Variants in SLCO2B1 observed in about 807,000 individuals in gnomAD.
SLCO2B1 encodes the protein OATP-RP2.
SLCO2B1 carries 41 observed loss-of-function variants against 67.3 expected under a neutral mutation model. The observed-to-expected ratio is 0.61, with a 90% CI of 0.47 to 0.79. The LOEUF (loss-of-function observed/expected upper bound fraction) is 0.79. Ranked by LOEUF, SLCO2B1 falls within the 30% of genes least tolerant of loss-of-function variation. The probability of loss-of-function intolerance (pLI) is 0.00; values close to 1 mark genes in which losing one functional copy is unlikely to be tolerated. For synonymous variants in SLCO2B1, 379 were observed against 381.4 expected, an observed-to-expected ratio of 0.99 and a Z score of 0.07; for missense variants, 837 against 920.1, an observed-to-expected ratio of 0.91 and a Z score of 1.17.
chr11:75,154,697 G>A (rs887896687), intron 1 of SLCO2B1, among the ~76,000 whole-genome samples: 1 of 152,200 alleles, frequency 6.6e-6, no homozygotes, highest in African/African-American at 2.4e-5. Context: ...TTCCCAGCCT[G>A]TGCCTGGTGA....
chr11:75,188,169 G>T lies in SLCO2B1; in HGVS notation c.1006G>T (p.Glu336Ter), dbSNP rs773663668. The T allele has an allele frequency of 1.2e-6, 2 of 1,613,916 alleles. No individual in the cohort carries two copies. Among genetic ancestry groups the T allele is most frequent in the Non-Finnish European group, 1.7e-6 (2 of 1,179,962 alleles). Residue 336 changes from glutamate (E) to a stop codon, truncating the protein, a stop_gained, in exon 8 of 14, where the codon GAG (glutamate) becomes TAG (stop). Coordinates refer to ENST00000289575, the MANE Select transcript of SLCO2B1 (RefSeq NM_007256.5). LOFTEE classifies it high-confidence loss of function. Reference sequence around the variant, plus strand: ...CTCTCCCTCTAAGCAGAGCCCTGGGGAGTCCACGAAGAAGCAGGATGGCCT... The same window carrying T: ...CTCTCCCTCTAAGCAGAGCCCTGGGTAGTCCACGAAGAAGCAGGATGGCCT... ...KDSPSKQSPG[E>*]STKKQDGLVQ... is the part of the protein sequence containing the mutation.
At chr11:75,166,019 C>T (rs989084892) in intron 4 of SLCO2B1, 70 bp downstream of exon 4, 33 of 1,513,524 alleles carry the variant, frequency 2.2e-5, no homozygotes, top group South Asian at 4.9e-5. Flanking sequence ...GGGCCCACCC[C>T]ACAGGCATTC....
chr11:75,180,632 C>T (rs1169779491), intron 7 of SLCO2B1, among the ~76,000 whole-genome samples: 4 of 152,184 alleles, frequency 2.6e-5, no homozygotes, highest in Non-Finnish European at 5.9e-5. Context: ...ATCCTACTTG[C>T]ACTATAGTCT....
intron 3 of SLCO2B1, 148 bp downstream of exon 3, chr11:75,164,248 C>T (rs1415859194): frequency 3.4e-6 from 3 of 880,276 alleles, no homozygotes; most frequent in Non-Finnish European, 5.1e-6. Flanking sequence ...CCTGAAACCT[C>T]AGAGCGTTTG....
At chr11:75,199,065 T>C (rs1358324986) in intron 10 of SLCO2B1, among the ~76,000 whole-genome samples, 6 of 152,262 alleles carry the variant, frequency 3.9e-5, no homozygotes, top group Middle Eastern at 6.8e-3. Flanking sequence ...GCAGGATGCC[T>C]CTCTCCCAGG....
intron 7 of SLCO2B1, among the ~76,000 whole-genome samples, chr11:75,184,579 T>C (rs531504765): frequency 6.6e-6 from 1 of 152,272 alleles, no homozygotes; most frequent in South Asian, 2.1e-4. Flanking sequence ...GTCACTATGG[T>C]GATGCCCACT....
chr11:75,183,998 C>T (rs538120685), intron 7 of SLCO2B1, among the ~76,000 whole-genome samples: 24 of 152,304 alleles, frequency 1.6e-4, no homozygotes, highest in African/African-American at 5.8e-4. Context: ...TAGCTACCAG[C>T]CCATATACCA....
At chr11:75,161,449 A>G (rs1220710773) in intron 1 of SLCO2B1, among the ~76,000 whole-genome samples, 1 of 152,358 alleles carries the variant, frequency 6.6e-6, no homozygotes, top group Admixed American at 6.5e-5. Flanking sequence ...TATGAATTAC[A>G]TCTCAATTTT....
chr11:75,177,152 G>A (rs1464427540), intron 7 of SLCO2B1, among the ~76,000 whole-genome samples: 2 of 151,702 alleles, frequency 1.3e-5, no homozygotes, highest in African/African-American at 4.9e-5. Flanking sequence ...TCACCGAGCA[G>A]GGCTAAGGGC....
chr11:75,155,078 G>A (rs1034775106), intron 1 of SLCO2B1, among the ~76,000 whole-genome samples: 2 of 152,238 alleles, frequency 1.3e-5, no homozygotes, highest in African/African-American at 4.8e-5. Context: ...TCAGCTCAGG[G>A]TCCCTGACTG....
intron 7 of SLCO2B1, among the ~76,000 whole-genome samples, chr11:75,173,810 GTTTA>G (rs535980766): frequency 4.6e-4 from 70 of 152,228 alleles, no homozygotes; most frequent in Middle Eastern, 6.8e-3. Context: ...AATTTTTAAA[GTTTA>G]TTTATTTATT....
intron 2 of SLCO2B1, 137 bp from the exon 3 acceptor site, chr11:75,163,826 G>T: frequency 1.1e-6 from 1 of 936,078 alleles, no homozygotes; most frequent in Non-Finnish European, 1.6e-6. Context: ...CTCTTCTGTT[G>T]GTCACTCTCC....
At position 75,193,562 on chromosome 11, in the gene SLCO2B1, A is replaced by G; in HGVS notation, c.1420A>G (p.Thr474Ala). ...GCSSHQIAGI[T>A]HQTSAHPGLE... ...CTCCAGCCACCAGATTGCGGGCATC[A>G]CACACCAGACCAGGTGAGTGTGTGC... The change falls in exon 9 of 14, where the codon ACA becomes GCA. Residue 474 changes from threonine to alanine, a missense_variant. Coordinates refer to ENST00000289575, the MANE Select transcript of SLCO2B1 (RefSeq NM_007256.5). The surrounding 1 kb of genome is among the most constrained non-coding windows in gnomAD (Gnocchi z 4.2). 6.4e-7 allele frequency: 1 copy of G among 1,558,248 alleles called. No individual in the cohort carries two copies. The highest frequency in any genetic ancestry group is 8.7e-7 in the Non-Finnish European group (1 of 1,151,444).
chr11:75,172,236 C>A, intron 6 of SLCO2B1, 143 bp from the exon 7 acceptor site: 1 of 696,288 alleles, frequency 1.4e-6, no homozygotes, highest in Non-Finnish European at 2.4e-6. Context: ...ACACAGGACA[C>A]ACCTGGCAGA....
At chr11:75,168,667 C>CT (rs1949922254) in intron 4 of SLCO2B1, among the ~76,000 whole-genome samples, 1 of 152,190 alleles carries the variant, frequency 6.6e-6, no homozygotes, top group African/African-American at 2.4e-5. Flanking sequence ...CAGCCCTGGC[C>CT]TTGCCCTCAT....
intron 1 of SLCO2B1, chr11:75,151,834 T>C: frequency 5.6e-6 from 1 of 179,754 alleles, no homozygotes; most frequent in Non-Finnish European, 1.2e-5. Flanking sequence ...TCAACAGGTA[T>C]CAGCGAGAGA....
rs1167522880 is a variant in SLCO2B1 at position 75,188,081 on chromosome 11, C to CT, written c.973-54dup. ...TCTCCTCCCCAGCCCACAGCCAACT[C>CT]TGAGTGGGGTTGCTGGCATCCAGCG... is the stretch of plus-strand genomic sequence containing the variant. On this transcript the variant is annotated intron_variant, in intron 7 of 13. Transcript: ENST00000289575. The CT allele has an allele frequency of 5.4e-6, 7 of 1,292,874 alleles. No individual in the cohort carries two copies. The Admixed American group carries it at 1.3e-4, about 23-fold the overall frequency. 80.1% of individuals were successfully genotyped at this position (1,292,874 alleles called of 1,614,324 possible).
Position 75,193,273 on chromosome 11 carries a change from C to T in SLCO2B1, c.1131C>T (p.Val377=), listed in dbSNP as rs150692353. 3.1e-6 allele frequency: 5 copies of T among 1,613,874 alleles called. No individual in the cohort carries two copies. Among genetic ancestry groups the T allele is most frequent in the Non-Finnish European group, 4.2e-6 (5 of 1,179,994 alleles). ...GCCACCCCATCTTCCTGCTGGTGGT[C>T]CTGTCCCAGGTATGCTTGTCATCCA... ...TLRHPIFLLV[V]LSQVCLSSMA... The change falls in exon 9 of 14, where the codon GTC becomes GTT. Residue 377 remains valine (V), a synonymous_variant. Transcript: ENST00000289575. This position sits in a 1 kb window ranked among gnomAD's most constrained non-coding sequence, Gnocchi z 4.2.
Position 75,161,617 on chromosome 11 carries a change from G to C in SLCO2B1, c.17-1038G>C, listed in dbSNP as rs367869341. Among the ~76,000 whole-genome samples, 62 of 152,260 alleles carry C rather than the reference G, an allele frequency of 4.1e-4. 1 individual carries two copies. The South Asian group carries it at 0.013, about 31-fold the overall frequency. ...GAGGAATCCTGAGGTCAATTTTCAG[G>C]CTCCAGAAAGCATGCTGAGTGAAAG... On this transcript the variant is annotated intron_variant, in intron 1 of 13. Coordinates refer to ENST00000289575, the MANE Select transcript of SLCO2B1 (RefSeq NM_007256.5).
Sources: gnomAD v4.1 joint callset for allele counts (sites outside exome capture counted in the v4.1 genomes callset) on GRCh38, gnomAD v4.1.1 for gene constraint, Gnocchi (gnomAD v3.1) non-coding constraint, MANE v1.5 for transcripts, NCBI Gene and HGNC (gene_info 2026-07-23, HGNC 2026-07-21) for gene names.